Variants in ADARB1 observed in about 807,000 individuals in gnomAD.
The protein encoded by ADARB1 is double-stranded RNA-specific editase 1.
A neutral mutation model predicts 52.4 loss-of-function variants in ADARB1; 10 were observed. The ratio of observed to expected loss-of-function variants is 0.19; its 90% CI spans 0.12 to 0.32. The LOEUF (loss-of-function observed/expected upper bound fraction) is 0.32. Ranked by LOEUF, ADARB1 falls within the 10% of genes least tolerant of loss-of-function variation. The pLI, the probability that ADARB1 is intolerant of heterozygous loss-of-function variation, is 1.00. For synonymous variants in ADARB1, 349 were observed against 371.1 expected, an observed-to-expected ratio of 0.94 and a Z score of 0.68; for missense variants, 643 against 922.3, an observed-to-expected ratio of 0.70 and a Z score of 3.92.
chr21:45,103,815 G>A (rs924779285), intron 1 of ADARB1, among the ~76,000 whole-genome samples: 11 of 152,046 alleles, frequency 7.2e-5, no homozygotes, highest in African/African-American at 1.5e-4. Context: ...TAAAAATAAC[G>A]TTTACTTTAA....
intron 8 of ADARB1, among the ~76,000 whole-genome samples, chr21:45,192,999 A>G (rs551239432): frequency 9.8e-5 from 15 of 152,332 alleles, no homozygotes; most frequent in Non-Finnish European, 1.6e-4. Flanking sequence ...TGGCTTCACT[A>G]TTGAATTCCA....
intron 1 of ADARB1, among the ~76,000 whole-genome samples, chr21:45,075,397 G>A (rs1403017879): frequency 6.6e-6 from 1 of 151,512 alleles, no homozygotes; most frequent in Non-Finnish European, 1.5e-5. Flanking sequence ...CTTGGGAGGG[G>A]ACGCTGTGCC....
Position 45,225,518 on chromosome 21 carries a change from A to G in ADARB1, c.*3321A>G. 7.5e-7 allele frequency: 1 copy of G among 1,324,960 alleles called. No individual in the cohort carries two copies. Among genetic ancestry groups the G allele is most frequent in the Non-Finnish European group, 9.7e-7 (1 of 1,026,818 alleles). The allele number at this position is 1,324,960 out of a possible 1,614,324, so 82.1% of individuals were successfully genotyped here. A position where few individuals can be genotyped will look rare whatever the true frequency, so the allele number is the denominator to read the frequency against. Reference sequence around the variant, plus strand: ...TGGAATCGCCACTTTCTTTGTGAAGACAGTGTCTCTCCTTGTAATCTCACA... The same window carrying G: ...TGGAATCGCCACTTTCTTTGTGAAGGCAGTGTCTCTCCTTGTAATCTCACA... On this transcript the variant is annotated 3_prime_UTR_variant, in exon 11 of 11. Transcript: ENST00000348831.
At chr21:45,117,080 T>C (rs2087871245) in intron 1 of ADARB1, 1 of 152,130 alleles carries the variant, frequency 6.6e-6, no homozygotes, top group South Asian at 2.1e-4. Flanking sequence ...TTAGTAAAGC[T>C]TTTACTGGAA....
rs144765350 is a variant in ADARB1, at chr21:45,093,236, A to T, written c.-220+18443A>T. On this transcript the variant is annotated intron_variant, in intron 1 of 10. Coordinates refer to ENST00000348831, the MANE Select transcript of ADARB1 (RefSeq NM_001112.4). The stretch of plus-strand genomic sequence containing the variant: ...TGATCCAGGCACTTTGCTGGGGTGC[A>T]CTTTGGCTTTTCTCACCAGTTCCCA... Among the ~76,000 whole-genome samples, 633 of 152,292 alleles carry T rather than the reference A, an allele frequency of 4.2e-3. 4 individuals are homozygous for T. The highest frequency in any genetic ancestry group is 0.014 in the African/African-American group (601 of 41,558).
At chr21:45,133,659 C>G (rs1479142247) in intron 2 of ADARB1, 3 of 272,508 alleles carry the variant, frequency 1.1e-5, no homozygotes, top group Non-Finnish European at 2.2e-5. Flanking sequence ...TTACCTGTAC[C>G]TGACAGGTGT....
At chr21:45,198,879 T>C (rs1737167299) in intron 8 of ADARB1, among the ~76,000 whole-genome samples, 2 of 151,594 alleles carry the variant, frequency 1.3e-5, no homozygotes, top group African/African-American at 4.9e-5. Flanking sequence ...TTAATTCCTC[T>C]TAAATCTATC....
chr21:45,126,164 A>G lies in ADARB1; in HGVS notation c.-219-2238A>G, dbSNP rs577678173. 5.8e-4 allele frequency among the ~76,000 whole-genome samples: 88 copies of G among 152,342 alleles called. 1 individual carries two copies. Among genetic ancestry groups the G allele is most frequent in the Non-Finnish European group, 1.1e-3 (73 of 68,030 alleles). ...TGTTAATTTCTAGGCTCATGGTATT[A>G]CGATCAGAGGATGAGCTCTGTCTGA... is the stretch of plus-strand genomic sequence containing the variant. On this transcript the variant is annotated intron_variant, in intron 1 of 10. Coordinates refer to ENST00000348831, the MANE Select transcript of ADARB1 (RefSeq NM_001112.4).
chr21:45,222,380 T>C lies in ADARB1; in HGVS notation c.*183T>C. On this transcript the variant is annotated 3_prime_UTR_variant, in exon 11 of 11. Transcript: ENST00000348831. The stretch of plus-strand genomic sequence containing the variant: ...TCAGACCTGGGGCAGGTGCGCAGTG[T>C]GGGGAGGGGATGGGGTGCGTCAGGG... 1 of 1,342,408 alleles carries C rather than the reference T, an allele frequency of 7.4e-7. No homozygotes were observed. Among genetic ancestry groups the C allele is most frequent in the Non-Finnish European group, 9.5e-7 (1 of 1,053,672 alleles). The allele number at this position is 1,342,408 out of a possible 1,614,324, so 83.2% of individuals were successfully genotyped here.
chr21:45,085,914 A>G (rs556937049), intron 1 of ADARB1, among the ~76,000 whole-genome samples: 2 of 152,318 alleles, frequency 1.3e-5, no homozygotes, highest in African/African-American at 4.8e-5. Flanking sequence ...TGAATTCTCC[A>G]TGCACGAATC....
chr21:45,174,891 C>T (rs1338344854), intron 3 of ADARB1, among the ~76,000 whole-genome samples: 1 of 151,956 alleles, frequency 6.6e-6, no homozygotes, highest in Non-Finnish European at 1.5e-5. Context: ...TTAAAAAAGA[C>T]AAAATCACCA....
chr21:45,119,008 C>T (rs1378464433), intron 1 of ADARB1, among the ~76,000 whole-genome samples: 2 of 152,174 alleles, frequency 1.3e-5, no homozygotes, highest in African/African-American at 4.8e-5. Flanking sequence ...CAAAAAGTAC[C>T]TTTTCTGACA....
chr21:45,135,757 T>C (rs403299), intron 2 of ADARB1, among the ~76,000 whole-genome samples: 145,892 of 152,330 alleles, frequency 0.96, 69,983 homozygotes, highest in East Asian at 1. Context: ...AAAAAACATA[T>C]GAAGTGTAGA....
At chr21:45,205,429 C>A (rs1174569880) in intron 9 of ADARB1, among the ~76,000 whole-genome samples, 3 of 152,194 alleles carry the variant, frequency 2.0e-5, no homozygotes, top group Non-Finnish European at 2.9e-5. Context: ...CTTTCCCAGA[C>A]TAACCCTGAG....
intron 1 of ADARB1, among the ~76,000 whole-genome samples, chr21:45,098,531 G>GT (rs554483058): frequency 2.5e-4 from 38 of 152,334 alleles, no homozygotes; most frequent in African/African-American, 8.4e-4. Context: ...TAGGTTCTCA[G>GT]TGGAGGGTGC....
At chr21:45,189,480 A>G (rs568360180) in intron 8 of ADARB1, among the ~76,000 whole-genome samples, 1 of 152,262 alleles carries the variant, frequency 6.6e-6, no homozygotes, top group Admixed American at 6.5e-5. Flanking sequence ...TATGCACCAA[A>G]ATTACAATAG....
chr21:45,185,450 G>A (rs1437146897), intron 8 of ADARB1, among the ~76,000 whole-genome samples: 1 of 152,240 alleles, frequency 6.6e-6, no homozygotes, highest in Non-Finnish European at 1.5e-5. Flanking sequence ...TGCAACTTCA[G>A]TGGTCACTTT....
At chr21:45,192,538 C>G (rs1217092487) in intron 8 of ADARB1, among the ~76,000 whole-genome samples, 1 of 152,156 alleles carries the variant, frequency 6.6e-6, no homozygotes, top group Non-Finnish European at 1.5e-5. Flanking sequence ...TTTCTTGCCT[C>G]TTGGTGGCAG....
At chr21:45,121,267 A>T (rs1489288982) in intron 1 of ADARB1, among the ~76,000 whole-genome samples, 1 of 152,140 alleles carries the variant, frequency 6.6e-6, no homozygotes, top group African/African-American at 2.4e-5. Context: ...TTCTTTCTCT[A>T]CAAGAGCACA....
Sources: allele counts gnomAD v4.1 joint callset (sites outside exome capture counted in the v4.1 genomes callset), GRCh38; gene constraint gnomAD v4.1.1; transcripts MANE v1.5; gene names NCBI Gene and HGNC (gene_info 2026-07-23, HGNC 2026-07-21).